The following HMGB1 variants were observed in gnomAD, a reference collection of about 807,000 sequenced individuals.
HMGB1 encodes high mobility group box 1.
For missense variants in HMGB1, 79 were observed against 253.5 expected, an observed-to-expected ratio of 0.31 and a Z score of 4.67; for synonymous variants, 81 against 84.0, an observed-to-expected ratio of 0.96 and a Z score of 0.19.
At chr13:30,535,849 C>T (rs1440178217) in intron 1 of HMGB1, among the ~76,000 whole-genome samples, 1 of 152,186 alleles carries the variant, frequency 6.6e-6, no homozygotes, top group Non-Finnish European at 1.5e-5. Flanking sequence ...GAGATTGTGC[C>T]ACTGCACTCC....
At position 30,457,375 on chromosome 13, in the gene HMGB1, A is replaced by T. The variant is rs1014197769; in HGVS notation, c.*3982T>A. 6.6e-6 allele frequency: 1 copy of T among 152,150 alleles called. No individual in the cohort carries two copies. The highest frequency in any genetic ancestry group is 2.4e-5 in the African/African-American group (1 of 41,424). 9.4% of individuals were successfully genotyped at this position (152,150 alleles called of 1,614,324 possible). Reference sequence around the variant, plus strand: ...GCTCACTTACAGGTTTAGTCATACTATTGCAGATTTTATTCCTACTTCCTT... The same window carrying T: ...GCTCACTTACAGGTTTAGTCATACTTTTGCAGATTTTATTCCTACTTCCTT... On this transcript the variant is annotated 3_prime_UTR_variant, in exon 5 of 5. Coordinates refer to ENST00000341423, the MANE Select transcript of HMGB1 (RefSeq NM_002128.7).
At chr13:30,567,467 A>G (rs1870235027) in intron 1 of HMGB1, among the ~76,000 whole-genome samples, 1 of 151,298 alleles carries the variant, frequency 6.6e-6, no homozygotes, top group South Asian at 2.1e-4. Flanking sequence ...CTCCTGCCTC[A>G]GTCTCCCGAG....
At chr13:30,462,081 T>C (rs1379707794) in intron 4 of HMGB1, among the ~76,000 whole-genome samples, 3 of 152,250 alleles carry the variant, frequency 2.0e-5, no homozygotes, top group Admixed American at 6.5e-5. Flanking sequence ...CTTAATCTTA[T>C]TAATTTACTG....
chr13:30,595,827 C>T (rs1219032156), intron 1 of HMGB1, among the ~76,000 whole-genome samples: 1 of 152,194 alleles, frequency 6.6e-6, no homozygotes, highest in African/African-American at 2.4e-5. Flanking sequence ...CATGACCTTC[C>T]CCATAGTGAG....
chr13:30,465,467 G>A (rs1274093540), intron 1 of HMGB1, among the ~76,000 whole-genome samples: 1 of 147,404 alleles, frequency 6.8e-6, no homozygotes, highest in Admixed American at 6.7e-5. Flanking sequence ...CCCGGCCCGA[G>A]GGCCCAAAAC....
At chr13:30,563,399 A>G (rs1348707488) in intron 1 of HMGB1, among the ~76,000 whole-genome samples, 1 of 152,164 alleles carries the variant, frequency 6.6e-6, no homozygotes, top group Non-Finnish European at 1.5e-5. Flanking sequence ...ACTTAACTCC[A>G]GGAGTTTGAC....
intron 1 of HMGB1, among the ~76,000 whole-genome samples, chr13:30,525,643 G>A (rs1288580359): frequency 2.0e-5 from 3 of 152,022 alleles, no homozygotes; most frequent in Non-Finnish European, 2.9e-5. Flanking sequence ...CTAATACTTT[G>A]TTGAAAATTC....
chr13:30,492,191 T>C (rs991996468), intron 1 of HMGB1, among the ~76,000 whole-genome samples: 2 of 149,514 alleles, frequency 1.3e-5, no homozygotes, highest in South Asian at 2.1e-4. Context: ...AAGAAAGATA[T>C]GTTAAGTAAA....
Position 30,459,493 on chromosome 13 carries a change from A to AT in HMGB1, c.*1863dup, listed in dbSNP as rs1380548097. The AT allele has an allele frequency of 6.6e-6, 1 of 152,118 alleles. No individual in the cohort carries two copies. Among genetic ancestry groups the AT allele is most frequent in the Non-Finnish European group, 1.5e-5 (1 of 68,012 alleles). The allele number at this position is 152,118 out of a possible 1,614,324, so 9.4% of individuals were successfully genotyped here. On this transcript the variant is annotated 3_prime_UTR_variant, in exon 5 of 5. Transcript: ENST00000341423. ...CAGTAGAAACTTCCATCTAAATCAG[A>AT]TTGAGTCATTTGCTCCTCTTAACAA... is the stretch of plus-strand genomic sequence containing the variant.
chr13:30,473,478 C>G (rs1886996608), intron 1 of HMGB1, among the ~76,000 whole-genome samples: 1 of 152,180 alleles, frequency 6.6e-6, no homozygotes, highest in Non-Finnish European at 1.5e-5. Context: ...TATATTAGGT[C>G]TTGATCTCAA....
chr13:30,587,415 G>A (rs553237040), intron 1 of HMGB1, among the ~76,000 whole-genome samples: 1 of 152,286 alleles, frequency 6.6e-6, no homozygotes, highest in South Asian at 2.1e-4. Context: ...ACAGCATCCT[G>A]GCCTCAAGCA....
intron 1 of HMGB1, among the ~76,000 whole-genome samples, chr13:30,482,274 C>G (rs2137432073): frequency 6.6e-6 from 1 of 152,250 alleles, no homozygotes; most frequent in African/African-American, 2.4e-5. Context: ...CTTTTCTCTT[C>G]CCTTCTCTCA....
chr13:30,584,887 C>G (rs1367296410), intron 1 of HMGB1, among the ~76,000 whole-genome samples: 1 of 152,088 alleles, frequency 6.6e-6, no homozygotes, highest in African/African-American at 2.4e-5. Context: ...GTGGTTCACG[C>G]CTGTAATCCT....
chr13:30,582,200 C>T (rs1024515591), intron 1 of HMGB1, among the ~76,000 whole-genome samples: 16 of 152,192 alleles, frequency 1.1e-4, no homozygotes, highest in African/African-American at 3.9e-4. Flanking sequence ...GTTGCTAAAA[C>T]CATGGCCTCC....
At chr13:30,472,861 T>G (rs1593263225) in intron 1 of HMGB1, among the ~76,000 whole-genome samples, 1 of 151,780 alleles carries the variant, frequency 6.6e-6, no homozygotes, top group African/African-American at 2.4e-5. Context: ...AACTTTTTTT[T>G]TTTTTTTTAG....
At chr13:30,485,785 G>GT (rs1433352261) in intron 1 of HMGB1, among the ~76,000 whole-genome samples, 1 of 152,180 alleles carries the variant, frequency 6.6e-6, no homozygotes, top group African/African-American at 2.4e-5. Flanking sequence ...AAATATTACA[G>GT]TATCTTACAA....
chr13:30,530,969 G>C (rs1269061995), intron 1 of HMGB1, among the ~76,000 whole-genome samples: 1 of 152,166 alleles, frequency 6.6e-6, no homozygotes, highest in Non-Finnish European at 1.5e-5. Flanking sequence ...GTCACCTGAG[G>C]CCAGAAGGTC....
intron 1 of HMGB1, among the ~76,000 whole-genome samples, chr13:30,503,204 C>T (rs528161762): frequency 1.3e-5 from 2 of 152,074 alleles, no homozygotes; most frequent in South Asian, 2.1e-4. Context: ...ATTAGCTAGG[C>T]GTGGTGCCAC....
chr13:30,522,126 T>TTTG (rs55733338), intron 1 of HMGB1, among the ~76,000 whole-genome samples: 11,244 of 147,950 alleles, frequency 0.076, 405 homozygotes, highest in East Asian at 0.15. Context: ...TTTTTTTTTT[T>TTTG]GGGCAAGACA....
Sources: allele counts gnomAD v4.1 joint callset (sites outside exome capture counted in the v4.1 genomes callset), GRCh38; gene constraint gnomAD v4.1.1; transcripts MANE v1.5; gene names NCBI Gene and HGNC (gene_info 2026-07-23, HGNC 2026-07-21).